PARD3: variants seen among roughly 807,000 people sequenced by gnomAD.
PARD3 encodes the protein par-3 family cell polarity regulator.
A neutral mutation model predicts 155.4 loss-of-function variants in PARD3; 75 were observed. The ratio of observed to expected loss-of-function variants is 0.48; its 90% CI spans 0.40 to 0.58. The LOEUF (loss-of-function observed/expected upper bound fraction) is 0.58. PARD3 is among the 20% of genes least tolerant of loss of function. PARD3 has a pLI of 0.00. For missense variants in PARD3, 1,642 were observed against 1,721.7 expected (o/e 0.95, Z 0.82); for synonymous variants, 576 against 610.5 (o/e 0.94, Z 0.83).
At chr10:34,256,363 A>G (rs2133774733) in intron 22 of PARD3, among the ~76,000 whole-genome samples, 1 of 152,276 alleles carries the variant, frequency 6.6e-6, no homozygotes, top group African/African-American at 2.4e-5. Flanking sequence ...TTTGCTCCAC[A>G]CTTGGTCAGG....
At chr10:34,509,987 T>C (rs1348966351) in intron 3 of PARD3, among the ~76,000 whole-genome samples, 2 of 152,220 alleles carry the variant, frequency 1.3e-5, no homozygotes, top group South Asian at 2.1e-4. Context: ...AAAAGAAGGA[T>C]ATCATAAGCC....
At chr10:34,784,534 G>C (rs1017560749) in intron 1 of PARD3, among the ~76,000 whole-genome samples, 6 of 152,008 alleles carry the variant, frequency 3.9e-5, no homozygotes, top group African/African-American at 1.4e-4. Context: ...CTGCCTCCCA[G>C]GTTCAAGCGA....
In PARD3 at chr10:34,745,724, A is replaced by G. The variant is rs186956013; in HGVS notation, c.121-49305T>C. On this transcript the variant is annotated intron_variant, in intron 1 of 24. Coordinates refer to ENST00000374788, the MANE Select transcript of PARD3 (RefSeq NM_001184785.2). Reference sequence around the variant, plus strand: ...GGATTACAAGTGATTTCAGGAGTTCAATGCTGCAGTGAGCCCTGAGCCATG... The same window carrying G: ...GGATTACAAGTGATTTCAGGAGTTCGATGCTGCAGTGAGCCCTGAGCCATG... 3.0e-3 allele frequency among the ~76,000 whole-genome samples: 454 copies of G among 152,126 alleles called. 4 individuals are homozygous for G. The highest frequency in any genetic ancestry group is 3.4e-3 in the Non-Finnish European group (232 of 67,976).
At chr10:34,405,720 A>G (rs1156481025) in intron 5 of PARD3, among the ~76,000 whole-genome samples, 1 of 152,184 alleles carries the variant, frequency 6.6e-6, no homozygotes, top group African/African-American at 2.4e-5. Flanking sequence ...TCACAGACAA[A>G]GAACTATTCA....
At chr10:34,123,743 G>T (rs541472510) in intron 23 of PARD3, among the ~76,000 whole-genome samples, 28 of 151,958 alleles carry the variant, frequency 1.8e-4, no homozygotes, top group African/African-American at 6.5e-4. Flanking sequence ...GGTGTTTTAT[G>T]AATTAAGTCT....
chr10:34,772,746 A>C (rs1839047609), intron 1 of PARD3, among the ~76,000 whole-genome samples: 1 of 147,868 alleles, frequency 6.8e-6, no homozygotes, highest in South Asian at 2.2e-4. Flanking sequence ...GTGAGCCGAG[A>C]TCGCACCACT....
chr10:34,489,426 C>A (rs948911152), intron 3 of PARD3, among the ~76,000 whole-genome samples: 4 of 152,212 alleles, frequency 2.6e-5, no homozygotes, highest in Admixed American at 6.5e-5. Flanking sequence ...TTATTTTCTA[C>A]AGGGGGAGTA....
chr10:34,363,025 A>G (rs534606177), intron 12 of PARD3, among the ~76,000 whole-genome samples: 3 of 152,322 alleles, frequency 2.0e-5, no homozygotes, highest in African/African-American at 7.2e-5. Context: ...GAAAACAAGA[A>G]TATTCTTTCT....
At chr10:34,558,537 T>C (rs1375833217) in intron 2 of PARD3, among the ~76,000 whole-genome samples, 2 of 152,216 alleles carry the variant, frequency 1.3e-5, no homozygotes, top group African/African-American at 4.8e-5. Context: ...AGGCTGAAGC[T>C]ATATTATTCC....
intron 1 of PARD3, among the ~76,000 whole-genome samples, chr10:34,772,683 A>G (rs533223113): frequency 1.5e-4 from 23 of 149,376 alleles, no homozygotes; most frequent in African/African-American, 5.7e-4. Context: ...AACTCCAGCT[A>G]CTCGGGAGGC....
chr10:34,623,979 C>T (rs1246264483), intron 2 of PARD3, among the ~76,000 whole-genome samples: 1 of 120,396 alleles, frequency 8.3e-6, no homozygotes, highest in African/African-American at 2.8e-5. Context: ...GACTCCGTCT[C>T]AAAAAAAAAA....
rs117592830 is a variant in PARD3 at position 34,355,664 on chromosome 10, C to T, written c.2067+3483G>A. ...ACAGACCTGGTGGGGCGCAGTGGCTCACGCCTGTAATTCCAGCACTTTGGG... is the reference window on the plus strand; with the variant it reads ...ACAGACCTGGTGGGGCGCAGTGGCTTACGCCTGTAATTCCAGCACTTTGGG... On this transcript the variant is annotated intron_variant, in intron 14 of 24. Coordinates refer to ENST00000374788, the MANE Select transcript of PARD3 (RefSeq NM_001184785.2). 6.0e-4 allele frequency among the ~76,000 whole-genome samples: 92 copies of T among 152,188 alleles called. No homozygotes were observed. In the East Asian group the frequency reaches 0.015, roughly 24 times the overall value.
intron 5 of PARD3, among the ~76,000 whole-genome samples, chr10:34,447,395 T>C (rs1434992604): frequency 1.4e-5 from 2 of 145,648 alleles, no homozygotes; most frequent in African/African-American, 5.1e-5. Context: ...ACAGCAGAAC[T>C]GCTTGAACCC....
At chr10:34,755,771 T>C (rs1474753524) in intron 1 of PARD3, among the ~76,000 whole-genome samples, 1 of 15,646 alleles carries the variant, frequency 6.4e-5, no homozygotes, top group Non-Finnish European at 1.8e-4. Context: ...ATAACATGCT[T>C]TTTTTTGCCA....
chr10:34,747,453 T>C (rs1337069757), intron 1 of PARD3, among the ~76,000 whole-genome samples: 5 of 152,202 alleles, frequency 3.3e-5, no homozygotes, highest in Non-Finnish European at 5.9e-5. Context: ...ATTATTCTCC[T>C]ACTTTAAAAA....
chr10:34,695,090 G>A (rs1392711674), intron 2 of PARD3, among the ~76,000 whole-genome samples: 1 of 152,210 alleles, frequency 6.6e-6, no homozygotes, highest in Non-Finnish European at 1.5e-5. Context: ...TTAGGAGACA[G>A]TCGACCAGGC....
chr10:34,257,336 A>G (rs1954706391), intron 22 of PARD3, among the ~76,000 whole-genome samples: 1 of 152,238 alleles, frequency 6.6e-6, no homozygotes, highest in African/African-American at 2.4e-5. Context: ...CAAACTTAAG[A>G]TCACAAAATA....
intron 2 of PARD3, among the ~76,000 whole-genome samples, chr10:34,647,435 C>G (rs569389404): frequency 1.3e-5 from 2 of 152,270 alleles, no homozygotes; most frequent in African/African-American, 4.8e-5. Context: ...TAAGACTCCA[C>G]AAATTTAAAG....
At chr10:34,369,497 A>G (rs1270407415) in intron 12 of PARD3, among the ~76,000 whole-genome samples, 1 of 152,164 alleles carries the variant, frequency 6.6e-6, no homozygotes, top group Non-Finnish European at 1.5e-5. Context: ...AATCCACATA[A>G]AGAGTTTCAC....
Sources: allele counts gnomAD v4.1 joint callset (sites outside exome capture counted in the v4.1 genomes callset), GRCh38; gene constraint gnomAD v4.1.1; transcripts MANE v1.5; gene names NCBI Gene and HGNC (gene_info 2026-07-23, HGNC 2026-07-21).